PDE4D: variants seen among roughly 807,000 people sequenced by gnomAD.
PDE4D encodes the protein 3',5'-cyclic-AMP phosphodiesterase 4D.
A neutral mutation model predicts 87.4 loss-of-function variants in PDE4D; 24 were observed. The observed-to-expected ratio is 0.27, with a 90% confidence interval of 0.20 to 0.39. PDE4D has a LOEUF of 0.39. Ranked by LOEUF, PDE4D falls within the 10% of genes least tolerant of loss-of-function variation. PDE4D has a pLI of 1.00. For missense variants in PDE4D, 714 were observed against 1,041.0 expected (o/e 0.69, Z 4.32); for synonymous variants, 384 against 383.2 (o/e 1.00, Z -0.02).
intron 11 of PDE4D, among the ~76,000 whole-genome samples, chr5:58,985,931 T>C (rs1463433434): frequency 6.6e-6 from 1 of 152,218 alleles, no homozygotes; most frequent in Non-Finnish European, 1.5e-5. Flanking sequence ...TAACTAAGGC[T>C]GTAATTTTGA....
chr5:60,403,122 T>C (rs1741230784), intron 1 of PDE4D, among the ~76,000 whole-genome samples: 1 of 152,198 alleles, frequency 6.6e-6, no homozygotes, highest in South Asian at 2.1e-4. Context: ...GGCCAGAATA[T>C]CCAGCTCCCA....
chr5:60,270,687 C>A (rs537132864), intron 1 of PDE4D, among the ~76,000 whole-genome samples: 1 of 150,134 alleles, frequency 6.7e-6, no homozygotes, highest in African/African-American at 2.5e-5. Context: ...ACATTTTGAG[C>A]TCTCCATGAC....
chr5:60,396,178 TCA>T (rs1254873767), intron 1 of PDE4D, among the ~76,000 whole-genome samples: 9 of 152,210 alleles, frequency 5.9e-5, no homozygotes. Flanking sequence ...TCCCAAATTT[TCA>T]CACTCACTCT....
intron 1 of PDE4D, among the ~76,000 whole-genome samples, chr5:59,759,180 A>T (rs776629110): frequency 6.6e-6 from 1 of 152,184 alleles, no homozygotes. Flanking sequence ...AAACTCCTTT[A>T]GTTATCTGAA....
intron 1 of PDE4D, among the ~76,000 whole-genome samples, chr5:59,792,921 T>G (rs2152650548): frequency 6.6e-6 from 1 of 152,296 alleles, no homozygotes; most frequent in African/African-American, 2.4e-5. Flanking sequence ...AAAAAATGAC[T>G]GTAGGCTTCA....
intron 2 of PDE4D, among the ~76,000 whole-genome samples, chr5:60,174,848 T>G (rs986729855): frequency 2.6e-5 from 4 of 152,106 alleles, no homozygotes; most frequent in Non-Finnish European, 5.9e-5. Flanking sequence ...GTTTTCTCTA[T>G]GTTGTTGATT....
At chr5:59,633,058 G>GA (rs1831776747) in intron 1 of PDE4D, among the ~76,000 whole-genome samples, 1 of 152,064 alleles carries the variant, frequency 6.6e-6, no homozygotes, top group South Asian at 2.1e-4. Context: ...TGATGGAGTT[G>GA]AAAAAACACA....
chr5:59,354,447 C>A (rs1781028829), intron 1 of PDE4D, among the ~76,000 whole-genome samples: 1 of 152,118 alleles, frequency 6.6e-6, no homozygotes, highest in Non-Finnish European at 1.5e-5. Context: ...AAACTATGCT[C>A]TTCAGAAGAT....
intron 3 of PDE4D, among the ~76,000 whole-genome samples, chr5:59,915,765 A>G (rs952616458): frequency 2.0e-5 from 3 of 152,176 alleles, no homozygotes; most frequent in Non-Finnish European, 4.4e-5. Context: ...GTATGAGTAA[A>G]TCAGGTATTT....
At chr5:59,857,676 A>G (rs1745644240) in intron 1 of PDE4D, among the ~76,000 whole-genome samples, 1 of 152,130 alleles carries the variant, frequency 6.6e-6, no homozygotes, top group Admixed American at 6.6e-5. Flanking sequence ...AATGAGTTTG[A>G]TGCACCAATA....
At chr5:59,378,475 C>T (rs544453845) in intron 1 of PDE4D, among the ~76,000 whole-genome samples, 13 of 152,096 alleles carry the variant, frequency 8.5e-5, no homozygotes, top group Admixed American at 2.0e-4. Context: ...AAAGTAAACC[C>T]GAGTGTATAG....
chr5:59,555,318 A>G (rs539614852), intron 1 of PDE4D, among the ~76,000 whole-genome samples: 3 of 152,246 alleles, frequency 2.0e-5, no homozygotes, highest in African/African-American at 7.2e-5. Flanking sequence ...GGACACAAAG[A>G]GGATCAGCAT....
intron 1 of PDE4D, among the ~76,000 whole-genome samples, chr5:59,376,465 TAC>T: frequency 6.6e-6 from 1 of 152,022 alleles, no homozygotes; most frequent in Non-Finnish European, 1.5e-5. Context: ...TACCTAGGAA[TAC>T]AGATAACCAG....
intron 1 of PDE4D, among the ~76,000 whole-genome samples, chr5:59,871,665 A>G (rs1258041315): frequency 6.6e-6 from 1 of 152,228 alleles, no homozygotes; most frequent in Non-Finnish European, 1.5e-5. Flanking sequence ...ACACACAAAT[A>G]CACAAATGTA....
intron 1 of PDE4D, among the ~76,000 whole-genome samples, chr5:60,481,464 A>C (rs1409540485): frequency 2.0e-5 from 3 of 152,150 alleles, no homozygotes; most frequent in Non-Finnish European, 4.4e-5. Flanking sequence ...AACCAAGCTT[A>C]TGTTAGATGC....
At chr5:60,497,817 A>C (rs1003347867) in intron 1 of PDE4D, among the ~76,000 whole-genome samples, 3 of 152,022 alleles carry the variant, frequency 2.0e-5, no homozygotes, top group African/African-American at 7.3e-5. Flanking sequence ...CTGTTTTCTC[A>C]TTGTCTGAGC....
At chr5:59,246,283 A>G (rs1202565674) in intron 1 of PDE4D, among the ~76,000 whole-genome samples, 2 of 152,034 alleles carry the variant, frequency 1.3e-5, no homozygotes, top group African/African-American at 2.4e-5. Context: ...TTCAAAGCCA[A>G]TGGCAACAAA....
intron 1 of PDE4D, among the ~76,000 whole-genome samples, chr5:59,228,773 T>C (rs978483081): frequency 2.0e-5 from 3 of 152,152 alleles, no homozygotes; most frequent in African/African-American, 4.8e-5. Flanking sequence ...CCCTGGTGCC[T>C]CTCTAATCTC....
At position 59,274,339 on chromosome 5, in the gene PDE4D, A is replaced by G. The variant is rs371852070; in HGVS notation, c.456-58371T>C. 5.1e-4 allele frequency among the ~76,000 whole-genome samples: 78 copies of G among 152,292 alleles called. 2 individuals carry two copies. In the South Asian group the frequency reaches 6.6e-3, roughly 13 times the overall value. ...TTCTGGTTGACTGTAAAACACTACA[A>G]TAACAGCAAAGGCTAACCTATCCAC... On this transcript the variant is annotated intron_variant, in intron 1 of 14. Transcript: ENST00000340635.
Sources: allele counts gnomAD v4.1 joint callset (sites outside exome capture counted in the v4.1 genomes callset), GRCh38; gene constraint gnomAD v4.1.1; transcripts MANE v1.5; gene names NCBI Gene and HGNC (gene_info 2026-07-23, HGNC 2026-07-21).